DEPDC5: variants seen among roughly 807,000 people sequenced by gnomAD.
The protein encoded by DEPDC5 is DEP domain containing 5, GATOR1 subcomplex subunit, also known as GATOR1 complex protein DEPDC5.
Under a neutral mutation model 217.3 loss-of-function variants are expected in DEPDC5, and 73 were observed. The observed-to-expected ratio is 0.34, with a 90% CI of 0.28 to 0.41. The LOEUF is 0.41. DEPDC5 is among the 10% of genes least tolerant of loss of function. The probability of loss-of-function intolerance (pLI) is 1.00; values close to 1 mark genes in which losing one functional copy is unlikely to be tolerated. For synonymous variants in DEPDC5, 733 were observed against 756.7 expected (o/e 0.97, Z 0.51); for missense variants, 1,675 against 2,070.1 (o/e 0.81, Z 3.70).
chr22:31,888,248 T>TG lies in DEPDC5; in HGVS notation c.4034-5334_4034-5333insG, dbSNP rs1228004480. Among the ~76,000 whole-genome samples the TG allele has an allele frequency of 2.2e-5, 3 of 138,892 alleles. No homozygotes were observed. The East Asian group carries it at 6.4e-4, about 30-fold the overall frequency. 91.1% of individuals were successfully genotyped at this position (138,892 alleles called of 152,430 possible). ...GCCTTGTTTTGTCTGTGGTTTTTTT[T>TG]TTTTTTTTTTTTTTTTTTGGAGACG... On this transcript the variant is annotated intron_variant, in intron 38 of 42. Coordinates refer to ENST00000651528, the MANE Select transcript of DEPDC5 (RefSeq NM_001242896.3).
intron 35 of DEPDC5, chr22:31,874,062 G>A (rs2149254935): frequency 4.9e-6 from 3 of 608,054 alleles, no homozygotes; most frequent in Non-Finnish European, 7.8e-6. Flanking sequence ...CAAAGTGCTG[G>A]GATTACAGGC....
rs1456068251 is a variant in DEPDC5, at chr22:31,815,220, T to G, written c.1666+8T>G. 1 of 1,613,906 alleles carries G rather than the reference T, an allele frequency of 6.2e-7. No homozygotes were observed. Among genetic ancestry groups the G allele is most frequent in the Non-Finnish European group, 8.5e-7 (1 of 1,179,964 alleles). On this transcript the variant is annotated splice_region_variant and intron_variant, in intron 21 of 42. Transcript: ENST00000651528. Reference sequence around the variant, plus strand: ...GATACACCAGCACTCGAGGTAAGAGTGCTGAAGCACAGACAGAGCCAGGGA... The same window carrying G: ...GATACACCAGCACTCGAGGTAAGAGGGCTGAAGCACAGACAGAGCCAGGGA...
chr22:31,792,229 A>G (rs1304578091), intron 11 of DEPDC5, 127 bp downstream of exon 11: 5 of 694,934 alleles, frequency 7.2e-6, no homozygotes, highest in Non-Finnish European at 2.5e-6. Context: ...TGTTATGGGG[A>G]CAGTGTAAAA....
intron 34 of DEPDC5, 129 bp downstream of exon 34, chr22:31,870,873 G>A (rs2092821972): frequency 9.4e-7 from 1 of 1,059,008 alleles, no homozygotes; most frequent in Non-Finnish European, 1.3e-6. Flanking sequence ...TGCGACCCTG[G>A]GCAAGTTAGT....
chr22:31,838,816 C>T lies in DEPDC5; in HGVS notation c.2486C>T (p.Pro829Leu), dbSNP rs370487077. 1.9e-5 allele frequency: 31 copies of T among 1,613,938 alleles called. No homozygotes were observed. Among genetic ancestry groups the T allele is most frequent in the African/African-American group, 2.7e-5 (2 of 74,930 alleles). The change falls in exon 27 of 43, where the codon CCG becomes CTG. Residue 829 changes from proline to leucine, a missense_variant. By Grantham distance (98) the Pro-to-Leu change is moderately conservative (BLOSUM62 -3). Coordinates refer to ENST00000651528, the MANE Select transcript of DEPDC5 (RefSeq NM_001242896.3). ...AAACCCAATCCTGCTGTCCCGCCCC[C>T]GCTGAGCAGTAGCCCACTCTATAGC... ...TQKPNPAVPP[P>L]LSSSPLYSRG...
chr22:31,766,638 T>G lies in DEPDC5; in HGVS notation c.333T>G (p.Arg111=). Residue 111 remains arginine (R), a synonymous_variant, in exon 6 of 43, where the codon CGT becomes CGG. Transcript: ENST00000651528. ...CTTTTAAGGATCAGTATATTGGCCGTGGGGATATGTGGCGACTAAAGAAAA... is the reference window on the plus strand; with the variant it reads ...CTTTTAAGGATCAGTATATTGGCCGGGGGGATATGTGGCGACTAAAGAAAA... ...ELTFKDQYIG[R]GDMWRLKKSL... The G allele has an allele frequency of 6.2e-7, 1 of 1,613,848 alleles. No homozygotes were observed. The highest frequency in any genetic ancestry group is 8.5e-7 in the Non-Finnish European group (1 of 1,179,942).
At chr22:31,775,158 G>A (rs1487924619) in intron 7 of DEPDC5, among the ~76,000 whole-genome samples, 1 of 151,784 alleles carries the variant, frequency 6.6e-6, no homozygotes, top group Non-Finnish European at 1.5e-5. Flanking sequence ...CATTTTCCTG[G>A]CTTTTATCTG....
At chr22:31,755,066 T>A in intron 2 of DEPDC5, 87 bp downstream of exon 2, 1 of 1,513,636 alleles carries the variant, frequency 6.6e-7, no homozygotes, top group Admixed American at 1.8e-5. Flanking sequence ...CTGACTCGTG[T>A]GACAATTGAG....
chr22:31,867,933 C>G (rs1307975722), intron 33 of DEPDC5, among the ~76,000 whole-genome samples: 2 of 152,200 alleles, frequency 1.3e-5, no homozygotes, highest in African/African-American at 2.4e-5. Context: ...CTAAGAGCCA[C>G]TCTTATATGC....
chr22:31,819,378 G>T (rs2089462503), intron 22 of DEPDC5, among the ~76,000 whole-genome samples, 153 bp downstream of exon 22: 2 of 151,888 alleles, frequency 1.3e-5, no homozygotes, highest in African/African-American at 4.8e-5. Flanking sequence ...AGGGGTTCTT[G>T]TAAAGATCCT....
chr22:31,884,840 G>A (rs771396547), intron 38 of DEPDC5, among the ~76,000 whole-genome samples: 5 of 152,162 alleles, frequency 3.3e-5, no homozygotes, highest in African/African-American at 4.8e-5. Context: ...CAACACCTTC[G>A]TCTTGCCTTC....
At chr22:31,819,558 T>G (rs1182504938) in intron 22 of DEPDC5, among the ~76,000 whole-genome samples, 1 of 151,004 alleles carries the variant, frequency 6.6e-6, no homozygotes, top group African/African-American at 2.4e-5. Flanking sequence ...AGCCTCAACC[T>G]TCAGGGCTCA....
intron 7 of DEPDC5, among the ~76,000 whole-genome samples, chr22:31,771,715 TCACACACACA>T (rs55851105): frequency 0.074 from 5,760 of 77,792 alleles, 213 homozygotes; most frequent in Middle Eastern, 0.091. Context: ...CAAGACTCCG[TCACACACACA>T]CACACACACA....
Position 31,833,849 on chromosome 22 carries a change from A to G in DEPDC5, c.2105-66A>G, listed in dbSNP as rs774029264. ...TAGCTCCAGTTTGCCTTTTTCAACCATAACTGGTCAGAACTCTTTTGCAGA... is the reference window on the plus strand; with the variant it reads ...TAGCTCCAGTTTGCCTTTTTCAACCGTAACTGGTCAGAACTCTTTTGCAGA... On this transcript the variant is annotated intron_variant, in intron 24 of 42. Transcript: ENST00000651528. 3.6e-6 allele frequency: 5 copies of G among 1,386,268 alleles called. No homozygotes were observed. The Admixed American group carries it at 7.0e-5, about 19-fold the overall frequency. The allele number at this position is 1,386,268 out of a possible 1,614,324, so 85.9% of individuals were successfully genotyped here.
At chr22:31,868,545 C>T (rs1034419) in intron 33 of DEPDC5, among the ~76,000 whole-genome samples, 27,113 of 152,178 alleles carry the variant, frequency 0.18, 2,772 homozygotes, top group African/African-American at 0.28. Flanking sequence ...TCTCACTTCA[C>T]TCTCCCAAGT....
chr22:31,797,605 T>C lies in DEPDC5; in HGVS notation c.773T>C (p.Val258Ala). 6.2e-7 allele frequency: 1 copy of C among 1,612,604 alleles called. No individual in the cohort carries two copies. Among genetic ancestry groups the C allele is most frequent in the Non-Finnish European group, 8.5e-7 (1 of 1,178,662 alleles). ...GRFYEDFYKVVVQNERREEWT... is the reference protein window; with the variant it reads ...GRFYEDFYKVAVQNERREEWT... ...TATGATAATACTCTTTTCAGAGTGG[T>C]GGTGCAGAATGAGAGAAGAGAAGAA... The change falls in exon 13 of 43, where the codon GTG (valine) becomes GCG (alanine). Residue 258 changes from valine (V) to alanine (A), a missense_variant. Val to Ala is a moderately conservative substitution (Grantham distance 64). Transcript: ENST00000651528.
intron 41 of DEPDC5, among the ~76,000 whole-genome samples, chr22:31,902,408 T>TTTTATATATATATATATATATATATA (rs1491391820): frequency 8.0e-5 from 9 of 111,924 alleles, no homozygotes; most frequent in Non-Finnish European, 1.4e-4. Context: ...CATCTCCTTA[T>TTTTATATATATATATATATATATATA]TATATATATA....
chr22:31,788,137 A>G (rs1293938578), intron 10 of DEPDC5, among the ~76,000 whole-genome samples: 1 of 152,042 alleles, frequency 6.6e-6, no homozygotes, highest in African/African-American at 2.4e-5. Context: ...TTGAATCAAC[A>G]TTTCTCTAAA....
At position 31,798,548 on chromosome 22, in the gene DEPDC5, G is replaced by A. The variant is rs780830827; in HGVS notation, c.872-34G>A. 3 of 1,577,762 alleles carry A rather than the reference G, an allele frequency of 1.9e-6. No individual in the cohort carries two copies. The South Asian group carries it at 3.4e-5, about 18-fold the overall frequency. ...AAAAAAAAAAGTTCATGTTTCATGA[G>A]ATGTTTTTCTTTCTCTTGCATATTT... On this transcript the variant is annotated intron_variant, in intron 13 of 42. Coordinates refer to ENST00000651528, the MANE Select transcript of DEPDC5 (RefSeq NM_001242896.3).
Sources: gnomAD v4.1 joint callset for allele counts (sites outside exome capture counted in the v4.1 genomes callset) on GRCh38, gnomAD v4.1.1 for gene constraint, MANE v1.5 for transcripts, NCBI Gene and HGNC (gene_info 2026-07-23, HGNC 2026-07-21) for gene names.